The following MYO1E variants were observed in gnomAD, a reference collection of about 807,000 sequenced individuals.
MYO1E encodes unconventional myosin-Ie.
A neutral mutation model predicts 151.1 loss-of-function variants in MYO1E; 68 were observed. The ratio of observed to expected loss-of-function variants is 0.45; its 90% CI spans 0.37 to 0.55. The LOEUF is 0.55. Among genes scored for constraint, MYO1E ranks in the 20% least tolerant of loss-of-function variants. The pLI is 0.00. For synonymous variants in MYO1E, 601 were observed against 501.7 expected (o/e 1.20, Z -2.64); for missense variants, 1,363 against 1,389.3 (o/e 0.98, Z 0.30).
intron 1 of MYO1E, among the ~76,000 whole-genome samples, chr15:59,315,702 GTAT>G (rs1279069005): frequency 1.3e-5 from 2 of 152,050 alleles, no homozygotes; most frequent in Non-Finnish European, 2.9e-5. Flanking sequence ...ATGAGCTCTT[GTAT>G]GTGCAATGAT....
chr15:59,231,312 T>A (rs1478497674), intron 6 of MYO1E, among the ~76,000 whole-genome samples: 1 of 152,166 alleles, frequency 6.6e-6, no homozygotes, highest in Non-Finnish European at 1.5e-5. Context: ...GACCAAGTTC[T>A]AAGAAGCAAA....
intron 17 of MYO1E, among the ~76,000 whole-genome samples, 199 bp from the exon 18 acceptor site, chr15:59,188,415 G>C (rs568328484): frequency 6.6e-6 from 1 of 152,294 alleles, no homozygotes; most frequent in African/African-American, 2.4e-5. Flanking sequence ...CAGCAATTAG[G>C]CTGGGCGCAG....
At chr15:59,244,802 A>T (rs2080120075) in intron 4 of MYO1E, among the ~76,000 whole-genome samples, 1 of 152,250 alleles carries the variant, frequency 6.6e-6, no homozygotes, top group South Asian at 2.1e-4. Context: ...CGTAAAGATG[A>T]AAAATGATAC....
chr15:59,132,978 T>C lies in MYO1E; in HGVS notation c.*4402A>G, dbSNP rs2079353521. ...TTATGCGTGAGTTTTCTTCTCTCTC[T>C]CTTTTTAAATAGACTTTTATGTTCT... is the stretch of plus-strand genomic sequence containing the variant. On this transcript the variant is annotated 3_prime_UTR_variant, in exon 28 of 28. Transcript: ENST00000288235. 6.6e-6 allele frequency: 1 copy of C among 152,244 alleles called. No homozygotes were observed. Among genetic ancestry groups the C allele is most frequent in the African/African-American group, 2.4e-5 (1 of 41,474 alleles). 9.4% of individuals were successfully genotyped at this position (152,244 alleles called of 1,614,324 possible).
At chr15:59,341,225 T>C (rs1162633981) in intron 1 of MYO1E, 4 of 152,156 alleles carry the variant, frequency 2.6e-5, no homozygotes, top group Non-Finnish European at 5.9e-5. Context: ...AATCCAGTAA[T>C]ACTCTTTTAG....
At chr15:59,316,165 A>G (rs1377731438) in intron 1 of MYO1E, among the ~76,000 whole-genome samples, 1 of 152,208 alleles carries the variant, frequency 6.6e-6, no homozygotes, top group Non-Finnish European at 1.5e-5. Flanking sequence ...GAGTGCAACA[A>G]TCTCTCACCA....
At chr15:59,250,986 G>A (rs1381754300) in intron 4 of MYO1E, among the ~76,000 whole-genome samples, 2 of 152,162 alleles carry the variant, frequency 1.3e-5, no homozygotes, top group Non-Finnish European at 2.9e-5. Flanking sequence ...GCTCATGTAA[G>A]AAGACCATTC....
intron 1 of MYO1E, among the ~76,000 whole-genome samples, chr15:59,303,956 G>A (rs1284387987): frequency 2.0e-5 from 3 of 151,024 alleles, no homozygotes; most frequent in Non-Finnish European, 3.0e-5. Flanking sequence ...TCAGGCAGGC[G>A]TCTCTATTTT....
chr15:59,325,176 C>G (rs2080655904), intron 1 of MYO1E, among the ~76,000 whole-genome samples: 2 of 152,106 alleles, frequency 1.3e-5, no homozygotes, highest in African/African-American at 4.8e-5. Context: ...GCTGTGACTA[C>G]AGGCGCCCGT....
chr15:59,227,501 C>T lies in MYO1E; in HGVS notation c.600G>A (p.Val200=). The change falls in exon 7 of 28, where the codon GTG becomes GTA. Residue 200 remains valine (V), a synonymous_variant. Coordinates refer to ENST00000288235, the MANE Select transcript of MYO1E (RefSeq NM_004998.4). ...SNFLLEKSRV[V]MRNPGERSFH... Reference sequence around the variant, plus strand: ...AACTCCGCTCTCCTGGGTTCCTCATCACCACCCTAGATTTTTCCAGAAGGA... The same window carrying T: ...AACTCCGCTCTCCTGGGTTCCTCATTACCACCCTAGATTTTTCCAGAAGGA... The T allele has an allele frequency of 6.2e-7, 1 of 1,614,190 alleles. No individual in the cohort carries two copies. Among genetic ancestry groups the T allele is most frequent in the Non-Finnish European group, 8.5e-7 (1 of 1,180,016 alleles).
At chr15:59,320,381 A>G (rs778691086) in intron 1 of MYO1E, among the ~76,000 whole-genome samples, 3 of 152,258 alleles carry the variant, frequency 2.0e-5, no homozygotes, top group Non-Finnish European at 4.4e-5. Context: ...TAAGCAAAAA[A>G]GAATAAAGCC....
intron 6 of MYO1E, 152 bp from the exon 7 acceptor site, chr15:59,227,742 T>C: frequency 9.4e-7 from 1 of 1,064,488 alleles, no homozygotes; most frequent in Non-Finnish European, 1.4e-6. Context: ...TCCTTAGTTT[T>C]CAATCAGACA....
intron 14 of MYO1E, chr15:59,207,456 T>C (rs1318172428): frequency 6.2e-7 from 1 of 1,614,032 alleles, no homozygotes; most frequent in East Asian, 2.2e-5. Context: ...TGATTTCCAG[T>C]ATTGTCCAGT....
intron 1 of MYO1E, among the ~76,000 whole-genome samples, chr15:59,341,016 CAAAA>C (rs35367694): frequency 3.5e-5 from 3 of 86,260 alleles, no homozygotes; most frequent in Non-Finnish European, 4.6e-5. Context: ...GACTCCATCT[CAAAA>C]AAAAAAAAAA....
At chr15:59,151,049 A>ACACGCG (rs375186279) in intron 26 of MYO1E, among the ~76,000 whole-genome samples, 1 of 129,558 alleles carries the variant, frequency 7.7e-6, no homozygotes, top group African/African-American at 2.9e-5. Context: ...ACACACACAC[A>ACACGCG]CGCGCGCGCG....
chr15:59,205,423 G>C lies in MYO1E; in HGVS notation c.1593C>G (p.Ile531Met), dbSNP rs140447165. 13,689 of 1,614,048 alleles carry C rather than the reference G, an allele frequency of 8.5e-3. 72 individuals carry two copies. The highest frequency in any genetic ancestry group is 9.9e-3 in the Non-Finnish European group (11,635 of 1,179,992). The change falls in exon 15 of 28, where the codon ATC (isoleucine) becomes ATG (methionine). Residue 531 changes from isoleucine to methionine, a missense_variant. Ile to Met is a conservative substitution (Grantham distance 10). Transcript: ENST00000288235. ...ACAGCTCGCTGCTCTGCATAAGCTC[G>C]ATGAGATCCATAAAAAGCACATCCC... is the stretch of plus-strand genomic sequence containing the variant. Reference protein sequence around the residue: ...RNRDVLFMDLIELMQSSELPF... With the variant: ...RNRDVLFMDLMELMQSSELPF...
At chr15:59,328,371 G>A (rs1446641805) in intron 1 of MYO1E, among the ~76,000 whole-genome samples, 1 of 151,988 alleles carries the variant, frequency 6.6e-6, no homozygotes, top group Non-Finnish European at 1.5e-5. Context: ...CAAGACTTCT[G>A]AAAAGGAACC....
At chr15:59,204,186 T>C (rs1488986400) in intron 15 of MYO1E, among the ~76,000 whole-genome samples, 1 of 152,220 alleles carries the variant, frequency 6.6e-6, no homozygotes, top group African/African-American at 2.4e-5. Flanking sequence ...AAATTGATTA[T>C]GTATGTTTTG....
In MYO1E at chr15:59,335,158, C is replaced by A. The variant is rs184021265; in HGVS notation, c.3+37340G>T. On this transcript the variant is annotated intron_variant, in intron 1 of 27. Transcript: ENST00000288235. ...AAGCCTACTCAGAATAATCTTTATTCATTATTTGCATAGCTCATGGCTTTA... is the reference window on the plus strand; with the variant it reads ...AAGCCTACTCAGAATAATCTTTATTAATTATTTGCATAGCTCATGGCTTTA... Among the ~76,000 whole-genome samples the A allele has an allele frequency of 1.8e-3, 272 of 152,316 alleles. 2 individuals carry two copies. The highest frequency in any genetic ancestry group is 6.3e-3 in the African/African-American group (264 of 41,576).
Sources: allele counts gnomAD v4.1 joint callset (sites outside exome capture counted in the v4.1 genomes callset), GRCh38; gene constraint gnomAD v4.1.1; transcripts MANE v1.5; gene names NCBI Gene and HGNC (gene_info 2026-07-23, HGNC 2026-07-21).